TENM1: variants seen among roughly 807,000 people sequenced by gnomAD.
TENM1 encodes teneurin transmembrane protein 1.
Under a neutral mutation model 174.8 loss-of-function variants are expected in TENM1, and 35 were observed. The ratio of observed to expected loss-of-function variants is 0.20; its 90% confidence interval spans 0.15 to 0.27. The LOEUF (loss-of-function observed/expected upper bound fraction) is 0.27. Among genes scored for constraint, TENM1 ranks in the 10% least tolerant of loss-of-function variants. The probability of loss-of-function intolerance (pLI) is 1.00; values close to 1 mark genes in which losing one functional copy is unlikely to be tolerated. For missense variants in TENM1, 1,633 were observed against 2,130.1 expected, an observed-to-expected ratio of 0.77 and a Z score of 4.59; for synonymous variants, 781 against 798.7, an observed-to-expected ratio of 0.98 and a Z score of 0.37.
intron 3 of TENM1, among the ~76,000 whole-genome samples, chrX:124,798,234 A>G (rs189280369): frequency 1.1e-3 from 122 of 111,446 alleles, no homozygotes; most frequent in Middle Eastern, 4.6e-3. Context: ...GTCAAATGGT[A>G]TTTCTGGTAC....
intron 19 of TENM1, among the ~76,000 whole-genome samples, chrX:124,502,674 CTGTT>C (rs780123048): frequency 8.9e-6 from 1 of 111,778 alleles, no homozygotes; most frequent in East Asian, 2.8e-4. Context: ...AAAAAATAAA[CTGTT>C]TGATATGGAA....
Position 124,940,318 on chromosome X carries a change from G to A in TENM1, c.217+23219C>T, listed in dbSNP as rs142993832. 5.1e-4 allele frequency among the ~76,000 whole-genome samples: 57 copies of A among 111,768 alleles called. No individual in the cohort carries two copies. The East Asian group carries it at 0.016, about 31-fold the overall frequency. ...ATGGTCAAGAGCCTGTATGAGCCAT[G>A]TTTCACACTTTGTGTTTACTAAGCC... On this transcript the variant is annotated intron_variant, in intron 1 of 31. Transcript: ENST00000422452.
chrX:125,027,982 T>C, the TENM1 span, among the ~76,000 whole-genome samples: 140 of 111,807 alleles, frequency 1.3e-3, no homozygotes, highest in African/African-American at 4.4e-3. Context: ...GATACGGATA[T>C]AGAGAATTAG....
Position 124,812,467 on chromosome X carries a change from A to G in TENM1, c.536-75270T>C, listed in dbSNP as rs144293527. ...ATAGATCCATGCAACTCTAACGTCT[A>G]TCTAGCAAATGTCATGAATTTGTCA... On this transcript the variant is annotated intron_variant, in intron 3 of 31. Transcript: ENST00000422452. 5.2e-3 allele frequency among the ~76,000 whole-genome samples: 581 copies of G among 111,572 alleles called. 2 individuals are homozygous for G. Among genetic ancestry groups the G allele is most frequent in the African/African-American group, 0.018 (555 of 30,894 alleles).
At chrX:124,664,677 GGGGT>G (rs1315706480) in intron 6 of TENM1, among the ~76,000 whole-genome samples, 2 of 84,542 alleles carry the variant, frequency 2.4e-5, no homozygotes, top group Non-Finnish European at 4.5e-5. Context: ...GAGTACTTGT[GGGGT>G]GTGTGTGTGT....
chrX:124,487,134 C>T lies in TENM1; in HGVS notation c.3716+75G>A, dbSNP rs967732403. On this transcript the variant is annotated intron_variant, in intron 21 of 31. Transcript: ENST00000422452. ...ACCTTATTTAGGAAGAAAAATTTCC[C>T]TATTAACACATTATCAGGAGGTAGT... The T allele has an allele frequency of 8.9e-6, 9 of 1,009,895 alleles. No individual in the cohort carries two copies. The East Asian group carries it at 3.0e-4, about 34-fold the overall frequency. The allele number at this position is 1,009,895 out of a possible 1,213,427, so 83.2% of individuals were successfully genotyped here.
chrX:124,556,548 C>T (rs1308112625), intron 14 of TENM1, among the ~76,000 whole-genome samples: 3 of 111,932 alleles, frequency 2.7e-5, no homozygotes, highest in East Asian at 2.8e-4. Flanking sequence ...CATGACAATG[C>T]TCCTGCTCAT....
At chrX:124,889,200 G>A (rs2057436098) in intron 3 of TENM1, among the ~76,000 whole-genome samples, 1 of 111,025 alleles carries the variant, frequency 9.0e-6, no homozygotes, top group Non-Finnish European at 1.9e-5. Context: ...ATTGGGAATT[G>A]CTTCGAGAAT....
At chrX:125,075,941 T>C in the TENM1 span, among the ~76,000 whole-genome samples, 1 of 111,510 alleles carries the variant, frequency 9.0e-6, no homozygotes, top group Non-Finnish European at 1.9e-5. Context: ...CACCTCAAAA[T>C]GAATATCTTC....
chrX:124,852,731 T>G (rs2056745468), intron 3 of TENM1, among the ~76,000 whole-genome samples: 1 of 110,917 alleles, frequency 9.0e-6, no homozygotes, highest in Non-Finnish European at 1.9e-5. Flanking sequence ...TAGATACGGA[T>G]GATACTTCTC....
the TENM1 span, among the ~76,000 whole-genome samples, chrX:124,991,392 G>C: frequency 9.0e-6 from 1 of 110,579 alleles, no homozygotes; most frequent in South Asian, 3.9e-4. Flanking sequence ...CCACAGATAA[G>C]GCCATGTACA....
intron 3 of TENM1, among the ~76,000 whole-genome samples, chrX:124,855,979 C>T (rs959168800): frequency 2.8e-4 from 31 of 110,230 alleles, no homozygotes; most frequent in African/African-American, 8.5e-4. Flanking sequence ...AATAAGAGTA[C>T]CCTTCTATTT....
the TENM1 span, among the ~76,000 whole-genome samples, chrX:125,155,436 G>A: frequency 8.0e-5 from 9 of 112,087 alleles, no homozygotes; most frequent in East Asian, 2.6e-3. Context: ...GGCTGCAGGT[G>A]GAGCTGCCTG....
chrX:124,629,544 C>T (rs2050711783), intron 11 of TENM1, among the ~76,000 whole-genome samples: 2 of 112,278 alleles, frequency 1.8e-5, no homozygotes, highest in South Asian at 3.7e-4. Context: ...TAATTTAGTG[C>T]CCACTATGGG....
chrX:125,015,162 T>C, the TENM1 span, among the ~76,000 whole-genome samples: 1 of 111,537 alleles, frequency 9.0e-6, no homozygotes, highest in Non-Finnish European at 1.9e-5. Flanking sequence ...GATTGGGACA[T>C]CCTTGGGTGT....
the TENM1 span, among the ~76,000 whole-genome samples, chrX:125,157,781 C>G: frequency 8.9e-6 from 1 of 111,909 alleles, no homozygotes; most frequent in Non-Finnish European, 1.9e-5. Context: ...TGGAAGAAAA[C>G]ATGGATATAA....
At chrX:124,570,097 G>T (rs991368865) in intron 11 of TENM1, among the ~76,000 whole-genome samples, 1 of 111,044 alleles carries the variant, frequency 9.0e-6, no homozygotes, top group Non-Finnish European at 1.9e-5. Context: ...ACAGCTTTTT[G>T]CCAATACATC....
chrX:124,901,672 C>T (rs2057666396), intron 1 of TENM1, among the ~76,000 whole-genome samples: 1 of 110,437 alleles, frequency 9.1e-6, no homozygotes, highest in Non-Finnish European at 1.9e-5. Flanking sequence ...GAGAAGAGCT[C>T]CCCCCAGTGT....
the TENM1 span, among the ~76,000 whole-genome samples, chrX:125,109,858 G>A: frequency 9.0e-6 from 1 of 111,478 alleles, no homozygotes; most frequent in African/African-American, 3.3e-5. Flanking sequence ...AGATTGTGGA[G>A]GACTCTGAAT....
Sources: allele counts gnomAD v4.1 joint callset (sites outside exome capture counted in the v4.1 genomes callset), GRCh38; gene constraint gnomAD v4.1.1; transcripts MANE v1.5; gene names NCBI Gene and HGNC (gene_info 2026-07-23, HGNC 2026-07-21).